Variants in MAFG observed in about 807,000 individuals in gnomAD.
MAFG encodes the protein transcription factor MafG.
A neutral mutation model predicts 12.2 loss-of-function variants in MAFG; 3 were observed. That is an observed-to-expected ratio of 0.25 (90% confidence interval 0.11 to 0.64). MAFG has a LOEUF of 0.64. Ranked by LOEUF, MAFG falls within the 30% of genes least tolerant of loss-of-function variation. The pLI, the probability that MAFG is intolerant of heterozygous loss-of-function variation, is 0.85. For synonymous variants in MAFG, 126 were observed against 109.1 expected (o/e 1.15, Z -0.96); for missense variants, 153 against 235.5 (o/e 0.65, Z 2.29).
upstream of MAFG, chr17:81,930,253 T>A (rs1323589110): frequency 6.6e-6 from 1 of 152,332 alleles, no homozygotes; most frequent in Non-Finnish European, 1.5e-5. The surrounding 1 kb of genome is among the most constrained non-coding windows in gnomAD (Gnocchi z 4.1). Flanking sequence ...TTCCAGAGTC[T>A]GAGCCTGTCC....
In MAFG at chr17:81,922,781, C is replaced by T. The variant is rs754838894; in HGVS notation, c.313G>A (p.Asp105Asn). Residue 105 changes from aspartate to asparagine, a missense_variant, in exon 3 of 3, where the codon GAC becomes AAC. By Grantham distance (23) the Asp-to-Asn change is conservative. This residue lies in a region of MAFG where 81 missense variants were observed against 94.7 expected (regional missense o/e 0.86). Transcript: ENST00000357736. The part of the protein sequence containing the change: ...SENASMKLEL[D>N]ALRSKYEALQ... ...GCCTCGTACTTGGAGCGCAGCGCGT[C>T]GAGCTCCAGCTTCATGCTGGCGTTC... 3.7e-6 allele frequency: 6 copies of T among 1,600,216 alleles called. No homozygotes were observed. Among genetic ancestry groups the T allele is most frequent in the African/African-American group, 1.3e-5 (1 of 74,768 alleles).
At chr17:81,923,573 A>AC (rs200494535) in intron 1 of MAFG, 3,468 of 174,956 alleles carry the variant, frequency 0.02, 127 homozygotes, top group African/African-American at 0.078. Flanking sequence ...TTTAAAAATA[A>AC]CCCCGGCACT....
Position 81,926,800 on chromosome 17 carries a change from G to A in MAFG, c.-30+728C>T, listed in dbSNP as rs1395460515. Among the ~76,000 whole-genome samples the A allele has an allele frequency of 6.6e-6, 1 of 152,072 alleles. No individual in the cohort carries two copies. The highest frequency in any genetic ancestry group is 2.4e-5 in the African/African-American group (1 of 41,402). ...TCTTCAAGCACCCCTGCCTTCAACTGGATCGCTCGGCGCTCACTTAAACAG... is the reference window on the plus strand; with the variant it reads ...TCTTCAAGCACCCCTGCCTTCAACTAGATCGCTCGGCGCTCACTTAAACAG... On this transcript the variant is annotated intron_variant, in intron 1 of 2. Coordinates refer to ENST00000357736, the MANE Select transcript of MAFG (RefSeq NM_002359.4). This position sits in a 1 kb window ranked among gnomAD's most constrained non-coding sequence, Gnocchi z 4.6.
At chr17:81,923,503 A>G (rs2376532) in intron 1 of MAFG, 310,029 of 312,060 alleles carry the variant, frequency 0.99, 154,040 homozygotes, top group Non-Finnish European at 1. Flanking sequence ...GACAAGGGGC[A>G]GGGGAGAGAT....
In MAFG at chr17:81,920,188, G is replaced by C. The variant is rs539983520; in HGVS notation, c.*2417C>G. 1 of 152,232 alleles carries C rather than the reference G, an allele frequency of 6.6e-6. No homozygotes were observed. The highest frequency in any genetic ancestry group is 1.5e-5 in the Non-Finnish European group (1 of 68,048). 9.4% of individuals were successfully genotyped at this position (152,232 alleles called of 1,614,324 possible). ...CTTAGACAAGATCAGACTGAGGGGAGGGGGATGAAGTCACTAAATGACAAG... is the reference window on the plus strand; with the variant it reads ...CTTAGACAAGATCAGACTGAGGGGACGGGGATGAAGTCACTAAATGACAAG... On this transcript the variant is annotated 3_prime_UTR_variant, in exon 3 of 3. Transcript: ENST00000357736.
Position 81,922,683 on chromosome 17 carries a change from C to A in MAFG, c.411G>T (p.Leu137=). 1 of 1,507,106 alleles carries A rather than the reference C, an allele frequency of 6.6e-7. No individual in the cohort carries two copies. The highest frequency in any genetic ancestry group is 2.3e-5 in the East Asian group (1 of 42,692). 93.4% of individuals were successfully genotyped at this position (1,507,106 alleles called of 1,614,324 possible). A position where few individuals can be genotyped will look rare whatever the true frequency, so the allele number is the denominator to read the frequency against. ...APARGPLAAG[L]GPLVPGKVAA... ...CCACCTTGCCTGGGACGAGGGGCCC[C>A]AGGCCGGCGGCAAGGGGGCCCCGGG... Residue 137 remains leucine (L), a synonymous_variant, in exon 3 of 3, where the codon CTG becomes CTT. Transcript: ENST00000357736.
In MAFG at chr17:81,920,637, C is replaced by G. The variant is rs2040879835; in HGVS notation, c.*1968G>C. The G allele has an allele frequency of 2.0e-5, 3 of 152,302 alleles. No homozygotes were observed. Among genetic ancestry groups the G allele is most frequent in the African/African-American group, 7.2e-5 (3 of 41,462 alleles). The allele number at this position is 152,302 out of a possible 1,614,324, so 9.4% of individuals were successfully genotyped here. On this transcript the variant is annotated 3_prime_UTR_variant, in exon 3 of 3. Transcript: ENST00000357736. ...CGAGGAACTGAGAGCAGGAGGCAGG[C>G]TGCGCCCCCACAGGGAGGCACCTCC...
chr17:81,923,469 A>G, intron 1 of MAFG: 1 of 387,242 alleles, frequency 2.6e-6, no homozygotes, highest in Non-Finnish European at 4.6e-6. Context: ...GGGGAACTGA[A>G]GGCTGTTAGG....
chr17:81,925,263 C>G (rs1198593260), intron 1 of MAFG, among the ~76,000 whole-genome samples: 1 of 152,222 alleles, frequency 6.6e-6, no homozygotes, highest in Non-Finnish European at 1.5e-5. Flanking sequence ...GGCTCCGCAA[C>G]CTGCGAGGGT....
At chr17:81,930,478 CAT>C (rs1466179984), upstream of MAFG, 5 of 144,114 alleles carry the variant, frequency 3.5e-5, no homozygotes, top group Admixed American at 2.8e-4. This position sits in a 1 kb window ranked among gnomAD's most constrained non-coding sequence, Gnocchi z 4.1. Context: ...GCATTGGTAA[CAT>C]AGAGACCCTA....
upstream of MAFG, among the ~76,000 whole-genome samples, chr17:81,928,968 C>T (rs2040963768): frequency 1.3e-5 from 2 of 152,110 alleles, no homozygotes; most frequent in South Asian, 4.1e-4. This position sits in a 1 kb window ranked among gnomAD's most constrained non-coding sequence, Gnocchi z 8.1. Flanking sequence ...GGGGACCTGG[C>T]GGGCCCCCGA....
At chr17:81,923,647 C>G (rs960818097) in intron 1 of MAFG, 1 of 156,478 alleles carries the variant, frequency 6.4e-6, no homozygotes, top group Non-Finnish European at 1.4e-5. Context: ...GCCTCCCCGC[C>G]GCGCCCGCAC....
rs2040926800 is a variant in MAFG, at chr17:81,924,904, C to T, written c.-29-1690G>A. Among the ~76,000 whole-genome samples the T allele has an allele frequency of 6.6e-6, 1 of 152,136 alleles. No individual in the cohort carries two copies. Among genetic ancestry groups the T allele is most frequent in the African/African-American group, 2.4e-5 (1 of 41,440 alleles). On this transcript the variant is annotated intron_variant, in intron 1 of 2. Transcript: ENST00000357736. This position sits in a 1 kb window ranked among gnomAD's most constrained non-coding sequence, Gnocchi z 4.7. Reference sequence around the variant, plus strand: ...CCACCCCTGCTGCTAAGCACAATGACAGTGGTGACTTCCTGAAGAGATCAC... The same window carrying T: ...CCACCCCTGCTGCTAAGCACAATGATAGTGGTGACTTCCTGAAGAGATCAC...
intron 2 of MAFG, 36 bp downstream of exon 2, chr17:81,923,114 A>C (rs1273777613): frequency 6.2e-7 from 1 of 1,611,202 alleles, no homozygotes; most frequent in Admixed American, 1.7e-5. Flanking sequence ...GTGCCCCCCG[A>C]CCCCAGCCCA....
intron 1 of MAFG, among the ~76,000 whole-genome samples, chr17:81,927,054 C>T (rs2040946485): frequency 6.6e-6 from 1 of 151,908 alleles, no homozygotes; most frequent in Admixed American, 6.5e-5. Flanking sequence ...CGCAGCACCC[C>T]CATCGCCGCC....
At chr17:81,925,757 G>C (rs890056272) in intron 1 of MAFG, among the ~76,000 whole-genome samples, 7 of 148,278 alleles carry the variant, frequency 4.7e-5, no homozygotes, top group African/African-American at 1.3e-4. Context: ...GCAGTGAGCT[G>C]AGATCGCGCC....
In MAFG at chr17:81,919,328, C is replaced by A. The variant is rs2040863446; in HGVS notation, c.*3277G>T. 6.6e-6 allele frequency: 1 copy of A among 152,314 alleles called. No individual in the cohort carries two copies. The highest frequency in any genetic ancestry group is 2.4e-5 in the African/African-American group (1 of 41,486). The allele number at this position is 152,314 out of a possible 1,614,324, so 9.4% of individuals were successfully genotyped here. A position where few individuals can be genotyped will look rare whatever the true frequency, so the allele number is the denominator to read the frequency against. On this transcript the variant is annotated 3_prime_UTR_variant, in exon 3 of 3. Coordinates refer to ENST00000357736, the MANE Select transcript of MAFG (RefSeq NM_002359.4). ...ATGGGACCTGACCATCGTCCCAAAG[C>A]AGGCTGCAGCCGCTCAGGGCCGTGG...
intron 1 of MAFG, among the ~76,000 whole-genome samples, chr17:81,925,986 G>C (rs1302416829): frequency 8.8e-6 from 1 of 113,286 alleles, no homozygotes; most frequent in Non-Finnish European, 1.8e-5. Flanking sequence ...GGTGCTCACT[G>C]AGAATGGACC....
rs1567913269 is a variant in MAFG at position 81,920,936 on chromosome 17, G to GGCGAGACCTGGAGCCCACGGCGCGGGCA, written c.*1668_*1669insTGCCCGCGCCGTGGGCTCCAGGTCTCGC. 6.6e-6 allele frequency: 1 copy of GGCGAGACCTGGAGCCCACGGCGCGGGCA among 152,404 alleles called. No homozygotes were observed. Among genetic ancestry groups the GGCGAGACCTGGAGCCCACGGCGCGGGCA allele is most frequent in the African/African-American group, 2.4e-5 (1 of 41,460 alleles). The allele number at this position is 152,404 out of a possible 1,614,324, so 9.4% of individuals were successfully genotyped here. On this transcript the variant is annotated 3_prime_UTR_variant, in exon 3 of 3. Coordinates refer to ENST00000357736, the MANE Select transcript of MAFG (RefSeq NM_002359.4). ...GAAACACCTCAGGGATCAAGCGGGC[G>GGCGAGACCTGGAGCCCACGGCGCGGGCA]GCGAGACCTGCAGCCCACGGCGCGG...
Sources: allele counts gnomAD v4.1 joint callset (sites outside exome capture counted in the v4.1 genomes callset), GRCh38; gene constraint gnomAD v4.1.1; regional missense constraint gnomAD v4.1.1; non-coding constraint Gnocchi (gnomAD v3.1); transcripts MANE v1.5; gene names NCBI Gene and HGNC (gene_info 2026-07-23, HGNC 2026-07-21).